Variants in CHST11 observed in about 807,000 individuals in gnomAD.
CHST11 encodes C4S-1.
A neutral mutation model predicts 30.4 loss-of-function variants in CHST11; 9 were observed. The observed-to-expected ratio is 0.30, with a 90% CI of 0.18 to 0.52. The LOEUF is 0.52. CHST11 is among the 20% of genes least tolerant of loss of function. The probability of loss-of-function intolerance (pLI) is 0.97; values close to 1 mark genes in which losing one functional copy is unlikely to be tolerated. For synonymous variants in CHST11, 152 were observed against 187.8 expected (o/e 0.81, Z 1.56); for missense variants, 348 against 460.6 (o/e 0.76, Z 2.24).
intron 1 of CHST11, among the ~76,000 whole-genome samples, chr12:104,596,258 G>A (rs1267661015): frequency 2.6e-5 from 4 of 152,204 alleles, no homozygotes; most frequent in Admixed American, 6.5e-5. Flanking sequence ...TGGAAAAAAC[G>A]TTTCTGCAAC....
chr12:104,502,577 C>T (rs1171638338), intron 1 of CHST11, among the ~76,000 whole-genome samples: 1 of 152,038 alleles, frequency 6.6e-6, no homozygotes, highest in Non-Finnish European at 1.5e-5. Flanking sequence ...AACTTTTAGC[C>T]CTACTCCCCG....
At chr12:104,742,846 C>T (rs554226892) in intron 2 of CHST11, among the ~76,000 whole-genome samples, 15 of 152,358 alleles carry the variant, frequency 9.8e-5, no homozygotes, top group African/African-American at 2.6e-4. Context: ...AAAGTGCCAG[C>T]GTCCCTCCCT....
intron 2 of CHST11, among the ~76,000 whole-genome samples, chr12:104,687,513 G>A (rs1232080986): frequency 6.6e-6 from 1 of 152,176 alleles, no homozygotes; most frequent in Non-Finnish European, 1.5e-5. Flanking sequence ...TGAAGAAAGA[G>A]GCCAAAGAGC....
chr12:104,561,352 T>C (rs917856452), intron 1 of CHST11, among the ~76,000 whole-genome samples: 3 of 152,220 alleles, frequency 2.0e-5, no homozygotes, highest in Non-Finnish European at 4.4e-5. Context: ...ACTACATTCT[T>C]ATCCCTTGCA....
intron 2 of CHST11, among the ~76,000 whole-genome samples, chr12:104,746,932 A>C (rs1440237952): frequency 6.6e-6 from 1 of 152,190 alleles, no homozygotes; most frequent in Admixed American, 6.5e-5. Flanking sequence ...CTACTGAATG[A>C]AAAGTCCCCT....
chr12:104,730,413 T>C (rs2040247455), intron 2 of CHST11, among the ~76,000 whole-genome samples: 2 of 152,246 alleles, frequency 1.3e-5, no homozygotes, highest in African/African-American at 2.4e-5. Context: ...TAGCCACTGA[T>C]ACAGGTGTTC....
At chr12:104,582,422 C>G (rs1011100231) in intron 1 of CHST11, among the ~76,000 whole-genome samples, 37 of 152,128 alleles carry the variant, frequency 2.4e-4, no homozygotes, top group African/African-American at 8.9e-4. Flanking sequence ...ACTTTGATGT[C>G]AGCATTTTGA....
intron 2 of CHST11, among the ~76,000 whole-genome samples, chr12:104,725,017 G>A (rs2040205853): frequency 6.6e-6 from 1 of 152,132 alleles, no homozygotes; most frequent in African/African-American, 2.4e-5. Flanking sequence ...TTTAGGGCTG[G>A]AAGTGGGTGG....
chr12:104,627,698 G>A (rs567331243), intron 2 of CHST11, among the ~76,000 whole-genome samples: 20 of 152,282 alleles, frequency 1.3e-4, no homozygotes, highest in Non-Finnish European at 2.5e-4. Flanking sequence ...CTCCTTTTGG[G>A]CATTTAATAC....
chr12:104,475,664 A>T (rs1427653681), intron 1 of CHST11, among the ~76,000 whole-genome samples: 26 of 65,366 alleles, frequency 4.0e-4, no homozygotes, highest in African/African-American at 1.5e-3. Context: ...AGCATTATAT[A>T]TATATATATA....
At chr12:104,555,831 C>T (rs1726419150) in intron 1 of CHST11, among the ~76,000 whole-genome samples, 2 of 152,264 alleles carry the variant, frequency 1.3e-5, no homozygotes, top group African/African-American at 4.8e-5. Context: ...TTAAAAGCAA[C>T]AGGTTGTGTG....
intron 2 of CHST11, among the ~76,000 whole-genome samples, chr12:104,713,336 G>T (rs1239665934): frequency 6.6e-6 from 1 of 152,092 alleles, no homozygotes; most frequent in African/African-American, 2.4e-5. Flanking sequence ...ACAGTGGATT[G>T]TAGGTGTATT....
At chr12:104,754,933 T>G (rs1407087667) in intron 2 of CHST11, among the ~76,000 whole-genome samples, 2 of 152,204 alleles carry the variant, frequency 1.3e-5, no homozygotes, top group South Asian at 2.1e-4. Context: ...TGAAGGTGCC[T>G]CCTACAGAGT....
chr12:104,557,037 A>G (rs959879284), intron 1 of CHST11, among the ~76,000 whole-genome samples: 2 of 152,052 alleles, frequency 1.3e-5, no homozygotes, highest in Non-Finnish European at 2.9e-5. Context: ...GTCATTGGAT[A>G]TTGGATTAGG....
intron 2 of CHST11, among the ~76,000 whole-genome samples, chr12:104,733,844 TAGG>T (rs1403518406): frequency 2.0e-5 from 3 of 152,158 alleles, no homozygotes; most frequent in East Asian, 3.8e-4. Flanking sequence ...CGTTGTAAGG[TAGG>T]AGGAGTTGGG....
intron 1 of CHST11, among the ~76,000 whole-genome samples, chr12:104,560,849 TAGC>T (rs1281869879): frequency 6.6e-6 from 1 of 152,246 alleles, no homozygotes; most frequent in African/African-American, 2.4e-5. Flanking sequence ...CTCTTGGAAT[TAGC>T]AGAATGCCAA....
rs146096056 is a variant in CHST11 at position 104,534,402 on chromosome 12, C to T, written c.119-67504C>T. On this transcript the variant is annotated intron_variant, in intron 1 of 2. Transcript: ENST00000303694. ...CTCTTCCTCCTTCTTCCCTCAGAAC[C>T]GGGCAAATAGAGCAAGGACAATTTC... Among the ~76,000 whole-genome samples, 623 of 152,296 alleles carry T rather than the reference C, an allele frequency of 4.1e-3. 3 individuals are homozygous for T. Among genetic ancestry groups the T allele is most frequent in the African/African-American group, 0.014 (568 of 41,566 alleles).
At chr12:104,629,134 T>C (rs534507537) in intron 2 of CHST11, among the ~76,000 whole-genome samples, 1 of 152,374 alleles carries the variant, frequency 6.6e-6, no homozygotes, top group East Asian at 1.9e-4. Context: ...TCAGGCTGCC[T>C]GCATTTGTAT....
rs2037439730 is a variant in CHST11, at chr12:104,464,475, C to G, written c.118+6946C>G. Among the ~76,000 whole-genome samples the G allele has an allele frequency of 3.3e-5, 5 of 152,206 alleles. 1 individual carries two copies. The highest frequency in any genetic ancestry group is 1.2e-4 in the African/African-American group (5 of 41,534). On this transcript the variant is annotated intron_variant, in intron 1 of 2. Coordinates refer to ENST00000303694, the MANE Select transcript of CHST11 (RefSeq NM_018413.6). Reference sequence around the variant, plus strand: ...CCACCTGCTCCCCCTTGACCCCCAACTAGACCATCTCCTTTTTCAATTTTT... The same window carrying G: ...CCACCTGCTCCCCCTTGACCCCCAAGTAGACCATCTCCTTTTTCAATTTTT...
Sources: gnomAD v4.1 joint callset for allele counts (sites outside exome capture counted in the v4.1 genomes callset) on GRCh38, gnomAD v4.1.1 for gene constraint, MANE v1.5 for transcripts, NCBI Gene and HGNC (gene_info 2026-07-23, HGNC 2026-07-21) for gene names.